Variants in EP300 observed in about 807,000 individuals in gnomAD.
EP300 encodes EP300 lysine acetyltransferase, also known as histone acetyltransferase p300.
EP300 carries 31 observed loss-of-function variants against 264.0 expected under a neutral mutation model. The ratio of observed to expected loss-of-function variants is 0.12; its 90% CI spans 0.09 to 0.16. The LOEUF (loss-of-function observed/expected upper bound fraction) is 0.16, where lower values mean the gene tolerates loss of function less well. Among genes scored for constraint, EP300 ranks in the 10% least tolerant of loss-of-function variants. EP300 has a pLI of 1.00. For missense variants in EP300, 2,766 were observed against 3,052.9 expected, an observed-to-expected ratio of 0.91 and a Z score of 2.21; for synonymous variants, 1,340 against 1,045.4, an observed-to-expected ratio of 1.28 and a Z score of -5.44.
intron 7 of EP300, among the ~76,000 whole-genome samples, 167 bp from the exon 8 acceptor site, chr22:41,137,486 C>T (rs1434533749): frequency 6.6e-6 from 1 of 152,008 alleles, no homozygotes; most frequent in Non-Finnish European, 1.5e-5. Flanking sequence ...TGAACATGCA[C>T]AGTTTAAAAT....
intron 1 of EP300, among the ~76,000 whole-genome samples, chr22:41,097,997 A>C (rs1381068491): frequency 2.1e-5 from 3 of 141,248 alleles, no homozygotes; most frequent in East Asian, 2.0e-4. Flanking sequence ...CCCAGCTAAA[A>C]ATTTTTTTTT....
intron 11 of EP300, among the ~76,000 whole-genome samples, 199 bp downstream of exon 11, chr22:41,147,015 C>T (rs2059014875): frequency 6.6e-6 from 1 of 152,108 alleles, no homozygotes; most frequent in Admixed American, 6.5e-5. Context: ...CATTAAAAAA[C>T]AACTGCAGGC....
intron 1 of EP300, among the ~76,000 whole-genome samples, chr22:41,098,234 A>G (rs1282601515): frequency 3.3e-5 from 5 of 152,066 alleles, no homozygotes; most frequent in African/African-American, 1.2e-4. Flanking sequence ...TGAAATTTTC[A>G]TGGGAAATTA....
At chr22:41,103,444 C>T (rs1365241067) in intron 1 of EP300, among the ~76,000 whole-genome samples, 7 of 152,058 alleles carry the variant, frequency 4.6e-5, no homozygotes, top group African/African-American at 7.2e-5. Context: ...ACAGTTTTCC[C>T]GTAAGTTATG....
rs186887831 is a variant in EP300 at position 41,141,375 on chromosome 22, A to G, written c.2053+153A>G. Among the ~76,000 whole-genome samples, 32 of 152,386 alleles carry G rather than the reference A, an allele frequency of 2.1e-4. 1 individual carries two copies. The East Asian group carries it at 6.0e-3, about 28-fold the overall frequency. ...AAAGAAAATAACTCATCTACTAGTA[A>G]AAACAGAAGCAGAACAAGTATATTT... On this transcript the variant is annotated intron_variant, in intron 10 of 30. Coordinates refer to ENST00000263253, the MANE Select transcript of EP300 (RefSeq NM_001429.4).
intron 1 of EP300, among the ~76,000 whole-genome samples, chr22:41,104,412 C>G (rs931934245): frequency 6.6e-6 from 1 of 151,976 alleles, no homozygotes; most frequent in African/African-American, 2.4e-5. Flanking sequence ...GCCTCAGCCT[C>G]CCAAGTAGCT....
chr22:41,113,459 C>T (rs975264995), intron 1 of EP300, among the ~76,000 whole-genome samples: 1 of 152,064 alleles, frequency 6.6e-6, no homozygotes, highest in Non-Finnish European at 1.5e-5. Flanking sequence ...CATATTAATA[C>T]TATTTTTCTA....
chr22:41,139,619 G>A (rs902701739), intron 8 of EP300, among the ~76,000 whole-genome samples: 2 of 152,122 alleles, frequency 1.3e-5, no homozygotes, highest in African/African-American at 4.8e-5. Context: ...ATTTTGTTAG[G>A]GAATTGCATG....
At chr22:41,129,864 G>C (rs2058907117) in intron 4 of EP300, 26 bp from the exon 5 acceptor site, 1 of 1,586,536 alleles carries the variant, frequency 6.3e-7, no homozygotes. Context: ...ACCTGCTCTT[G>C]AAAAAATATG....
intron 19 of EP300, 144 bp from the exon 20 acceptor site, chr22:41,160,498 T>C (rs749075772): frequency 4.3e-6 from 3 of 704,326 alleles, no homozygotes; most frequent in Non-Finnish European, 5.2e-6. Flanking sequence ...ATCTGCATCA[T>C]TGAATGTCCT....
At chr22:41,135,943 A>T in intron 7 of EP300, 37 bp downstream of exon 7, 1 of 1,409,526 alleles carries the variant, frequency 7.1e-7, no homozygotes, top group African/African-American at 1.4e-5. Flanking sequence ...GGGTCACATT[A>T]CAAATACTAC....
At chr22:41,125,797 C>T (rs1232890208) in intron 2 of EP300, 67 bp from the exon 3 acceptor site, 3 of 1,516,416 alleles carry the variant, frequency 2.0e-6, no homozygotes, top group Non-Finnish European at 2.7e-6. Context: ...GAAGTGAAAT[C>T]AGAAAAGGAA....
In EP300 at chr22:41,164,117, A is replaced by G; in HGVS notation, c.3793A>G (p.Ile1265Val). 3 of 1,613,864 alleles carry G rather than the reference A, an allele frequency of 1.9e-6. No homozygotes were observed. The highest frequency in any genetic ancestry group is 2.5e-6 in the Non-Finnish European group (3 of 1,179,764). Residue 1265 changes from isoleucine (I) to valine (V), a missense_variant, in exon 22 of 31, where the codon ATC (isoleucine) becomes GTC (valine). Transcript: ENST00000263253. ...GATCTGTGTCCTTCACCATGAGATCATCTGGCCTGCTGGGTAAGTCTTAAC... is the reference window on the plus strand; with the variant it reads ...GATCTGTGTCCTTCACCATGAGATCGTCTGGCCTGCTGGGTAAGTCTTAAC... ...HQICVLHHEI[I>V]WPAGFVCDGC...
Position 41,127,674 on chromosome 22 carries a change from A to C in EP300, c.1094A>C (p.Asn365Thr), listed in dbSNP as rs747431211. 6.2e-7 allele frequency: 1 copy of C among 1,614,050 alleles called. No homozygotes were observed. Among genetic ancestry groups the C allele is most frequent in the East Asian group, 2.2e-5 (1 of 44,892 alleles). Residue 365 changes from asparagine (N) to threonine (T), a missense_variant, in exon 4 of 31, where the codon AAC (asparagine) becomes ACC (threonine). Physicochemically the swap from Asn to Thr is moderately conservative, Grantham distance 65. Transcript: ENST00000263253. ...GCCAATGGGGAAGTGAGGCAGTGCA[A>C]CCTTCCCCACTGTCGCACAATGAAG... ...EQANGEVRQCNLPHCRTMKNV... is the reference protein window; with the variant it reads ...EQANGEVRQCTLPHCRTMKNV...
At chr22:41,111,950 C>T (rs1301571258) in intron 1 of EP300, among the ~76,000 whole-genome samples, 1 of 118,762 alleles carries the variant, frequency 8.4e-6, no homozygotes, top group Admixed American at 1.2e-4. Flanking sequence ...TGCAGTGGCG[C>T]GATGTCCACT....
intron 14 of EP300, 94 bp from the exon 15 acceptor site, chr22:41,151,739 T>C: frequency 7.7e-7 from 1 of 1,293,648 alleles, no homozygotes; most frequent in Non-Finnish European, 1.1e-6. Flanking sequence ...AATAGGTGGC[T>C]AATTCTGCTA....
Position 41,117,730 on chromosome 22 carries a change from G to A in EP300, c.638G>A (p.Gly213Glu), listed in dbSNP as rs2145697622. 3 of 1,614,250 alleles carry A rather than the reference G, an allele frequency of 1.9e-6. No individual in the cohort carries two copies. The highest frequency in any genetic ancestry group is 2.5e-6 in the Non-Finnish European group (3 of 1,180,054). Residue 213 changes from glycine (G) to glutamate (E), a missense_variant, in exon 2 of 31, where the codon GGA (glycine) becomes GAA (glutamate). Physicochemically the swap from Gly to Glu is moderately conservative, Grantham distance 98. Coordinates refer to ENST00000263253, the MANE Select transcript of EP300 (RefSeq NM_001429.4). Reference sequence around the variant, plus strand: ...ATGCAGTACCCAAACCCAGGCATGGGAAGTGCTGGCAACTTACTGACTGAG... The same window carrying A: ...ATGCAGTACCCAAACCCAGGCATGGAAAGTGCTGGCAACTTACTGACTGAG... ...QNMQYPNPGM[G>E]SAGNLLTEPL...
At chr22:41,111,974 G>A (rs188941395) in intron 1 of EP300, among the ~76,000 whole-genome samples, 51 of 120,310 alleles carry the variant, frequency 4.2e-4, no homozygotes, top group African/African-American at 1.6e-3. Flanking sequence ...TGCAAGCTCC[G>A]CCTCCCGGGT....
At chr22:41,117,145 TTTTGTCATACTTTGACC>T in intron 1 of EP300, 25 bp from the exon 2 acceptor site, 2 of 1,584,030 alleles carry the variant, frequency 1.3e-6, no homozygotes, top group Non-Finnish European at 1.7e-6. Flanking sequence ...TTTATTTTGG[TTTTGTCATACTTTGACC>T]TTTGTCTTTT....
Sources: gnomAD v4.1 joint callset for allele counts (sites outside exome capture counted in the v4.1 genomes callset) on GRCh38, gnomAD v4.1.1 for gene constraint, MANE v1.5 for transcripts, NCBI Gene and HGNC (gene_info 2026-07-23, HGNC 2026-07-21) for gene names.